The following ZMIZ2 variants were observed in gnomAD, a reference collection of about 807,000 sequenced individuals.
ZMIZ2 encodes the protein zinc finger MIZ domain-containing protein 2.
A neutral mutation model predicts 93.9 loss-of-function variants in ZMIZ2; 26 were observed. That is an observed-to-expected ratio of 0.28 (90% CI 0.20 to 0.38). The LOEUF (loss-of-function observed/expected upper bound fraction) is 0.38. Among genes scored for constraint, ZMIZ2 ranks in the 10% least tolerant of loss-of-function variants. The pLI, the probability that ZMIZ2 is intolerant of heterozygous loss-of-function variation, is 1.00. For synonymous variants in ZMIZ2, 485 were observed against 516.4 expected, an observed-to-expected ratio of 0.94 and a Z score of 0.82; for missense variants, 1,023 against 1,235.0, an observed-to-expected ratio of 0.83 and a Z score of 2.57.
chr7:44,765,242 C>G lies in ZMIZ2; in HGVS notation c.1998-93C>G. On this transcript the variant is annotated intron_variant, in intron 15 of 18. Coordinates refer to ENST00000309315, the MANE Select transcript of ZMIZ2 (RefSeq NM_031449.4). The surrounding 1 kb of genome is among the most constrained non-coding windows in gnomAD (Gnocchi z 4.1). ...GGAAGCAAGCATTTGAGTGGGGGAA[C>G]CTGCCTGGAAACAGCCCAGGGCTGG... The G allele has an allele frequency of 1.9e-6, 3 of 1,569,972 alleles. No homozygotes were observed. The South Asian group carries it at 3.5e-5, about 19-fold the overall frequency.
rs1791756718 is a variant in ZMIZ2 at position 44,766,806 on chromosome 7, A to G, written c.2655+143A>G. ...GGTCAACTAAATGCAGCTTTTGTTC[A>G]TGAATTAGATACCTGGAGTAGCTGC... On this transcript the variant is annotated intron_variant, in intron 18 of 18. Transcript: ENST00000309315. The surrounding 1 kb of genome is among the most constrained non-coding windows in gnomAD (Gnocchi z 4.4). 1 of 1,346,416 alleles carries G rather than the reference A, an allele frequency of 7.4e-7. No individual in the cohort carries two copies. Among genetic ancestry groups the G allele is most frequent in the Admixed American group, 2.6e-5 (1 of 37,882 alleles). The allele number at this position is 1,346,416 out of a possible 1,614,324, so 83.4% of individuals were successfully genotyped here. A position where few individuals can be genotyped will look rare whatever the true frequency, so the allele number is the denominator to read the frequency against.
At position 44,767,775 on chromosome 7, in the gene ZMIZ2, C is replaced by T. The variant is rs1791866694; in HGVS notation, c.*152C>T. On this transcript the variant is annotated 3_prime_UTR_variant, in exon 19 of 19. Transcript: ENST00000309315. ...CAGAGCCTTCTGCCGCCAGCCCTGC[C>T]CCTGAATTGGAAGCAGCCCTGTGCT... 1.7e-5 allele frequency: 12 copies of T among 702,030 alleles called. No individual in the cohort carries two copies. Among genetic ancestry groups the T allele is most frequent in the Non-Finnish European group, 2.7e-5 (11 of 410,622 alleles). 43.5% of individuals were successfully genotyped at this position (702,030 alleles called of 1,614,324 possible). A position where few individuals can be genotyped will look rare whatever the true frequency, so the allele number is the denominator to read the frequency against.
chr7:44,765,363 C>T lies in ZMIZ2; in HGVS notation c.2026C>T (p.Pro676Ser). The change falls in exon 16 of 19, where the codon CCC becomes TCC. Residue 676 changes from proline (P) to serine (S), a missense_variant. Pro to Ser is a moderately conservative substitution (Grantham distance 74, BLOSUM62 -1). Around this residue, in one of 3 missense-constraint regions of ZMIZ2, gnomAD observed 319 missense variants for 358.8 expected, o/e 0.89. Coordinates refer to ENST00000309315, the MANE Select transcript of ZMIZ2 (RefSeq NM_031449.4). This position sits in a 1 kb window ranked among gnomAD's most constrained non-coding sequence, Gnocchi z 4.1. ...NSDYEEITID[P>S]TCSWKPVPVK... ...TGACTATGAGGAGATCACCATCGAC[C>T]CCACGTGCAGCTGGAAGCCAGTGCC... 3 of 1,613,604 alleles carry T rather than the reference C, an allele frequency of 1.9e-6. No individual in the cohort carries two copies. The highest frequency in any genetic ancestry group is 2.5e-6 in the Non-Finnish European group (3 of 1,180,018).
At chr7:44,762,161 T>C (rs1035536527) in intron 11 of ZMIZ2, among the ~76,000 whole-genome samples, 3 of 152,388 alleles carry the variant, frequency 2.0e-5, no homozygotes, top group Non-Finnish European at 2.9e-5. Flanking sequence ...GGGGGCTTTA[T>C]TATTTCAGAA....
In ZMIZ2 at chr7:44,760,295, C is replaced by T. The variant is rs766541485; in HGVS notation, c.1071+67C>T. On this transcript the variant is annotated intron_variant, in intron 8 of 18. Coordinates refer to ENST00000309315, the MANE Select transcript of ZMIZ2 (RefSeq NM_031449.4). ...GGTGGGCATATGGAGAGAGGGCGAC[C>T]GGGCAGGCACCCCTGGGGCCGCCTC... The T allele has an allele frequency of 6.4e-5, 101 of 1,566,822 alleles. 1 individual carries two copies. The Middle Eastern group carries it at 1.2e-3, about 18-fold the overall frequency.
rs749274975 is a variant in ZMIZ2 at position 44,765,031 on chromosome 7, T to C, written c.1997+22T>C. 4.3e-6 allele frequency: 7 copies of C among 1,613,798 alleles called. No individual in the cohort carries two copies. The Admixed American group carries it at 1.2e-4, about 27-fold the overall frequency. ...AGAAGTAAGCATCCTCTTCCTGTGA[T>C]CCCTGCATCTGTGGCCACTGGAGGG... On this transcript the variant is annotated intron_variant, in intron 15 of 18. Coordinates refer to ENST00000309315, the MANE Select transcript of ZMIZ2 (RefSeq NM_031449.4). The surrounding 1 kb of genome is among the most constrained non-coding windows in gnomAD (Gnocchi z 4.1).
At chr7:44,764,790 G>C (rs1407093834) in intron 14 of ZMIZ2, 151 bp from the exon 15 acceptor site, 1 of 770,448 alleles carries the variant, frequency 1.3e-6, no homozygotes, top group Non-Finnish European at 2.1e-6. Flanking sequence ...CCTCACATAG[G>C]GTCAGCTCAC....
In ZMIZ2 at chr7:44,757,900, G is replaced by C; in HGVS notation, c.605G>C (p.Arg202Pro). The change falls in exon 6 of 19, where the codon CGG becomes CCG. Residue 202 changes from arginine (R) to proline (P), a missense_variant. Physicochemically the swap from Arg to Pro is moderately radical, Grantham distance 103 (BLOSUM62 -2). Coordinates refer to ENST00000309315, the MANE Select transcript of ZMIZ2 (RefSeq NM_031449.4). ...CAGTTTCTGCAGCATGGAGGTCCCCGGGGGCCTAGTGTCCCCGCTGGCATG... is the reference window on the plus strand; with the variant it reads ...CAGTTTCTGCAGCATGGAGGTCCCCCGGGGCCTAGTGTCCCCGCTGGCATG... ...NSQFLQHGGPRGPSVPAGMNP... is the reference protein window; with the variant it reads ...NSQFLQHGGPPGPSVPAGMNP... 1 of 1,605,210 alleles carries C rather than the reference G, an allele frequency of 6.2e-7. No individual in the cohort carries two copies. Among genetic ancestry groups the C allele is most frequent in the Non-Finnish European group, 8.5e-7 (1 of 1,175,506 alleles).
intron 1 of ZMIZ2, among the ~76,000 whole-genome samples, chr7:44,755,358 G>A (rs1790502330): frequency 6.6e-6 from 1 of 152,158 alleles, no homozygotes; most frequent in African/African-American, 2.4e-5. Flanking sequence ...GCCCTCTCCT[G>A]GGGGTGTCAT....
chr7:44,767,423 C>A, intron 18 of ZMIZ2, 93 bp from the exon 19 acceptor site: 1 of 1,133,830 alleles, frequency 8.8e-7, no homozygotes, highest in Non-Finnish European at 1.3e-6. Context: ...CCCACTGTGC[C>A]TGGAGACAGG....
chr7:44,750,571 G>A (rs1790050786), intron 1 of ZMIZ2, among the ~76,000 whole-genome samples: 1 of 152,172 alleles, frequency 6.6e-6, no homozygotes, highest in South Asian at 2.1e-4. Flanking sequence ...CCACTTGCTG[G>A]TCCTGCTCCT....
At position 44,765,783 on chromosome 7, in the gene ZMIZ2, G is replaced by T. The variant is rs1791651375; in HGVS notation, c.2242+204G>T. The T allele has an allele frequency of 9.7e-7, 1 of 1,029,090 alleles. No individual in the cohort carries two copies. The highest frequency in any genetic ancestry group is 2.9e-5 in the Admixed American group (1 of 34,176). The allele number at this position is 1,029,090 out of a possible 1,614,324, so 63.7% of individuals were successfully genotyped here. On this transcript the variant is annotated intron_variant, in intron 16 of 18. Transcript: ENST00000309315. This position sits in a 1 kb window ranked among gnomAD's most constrained non-coding sequence, Gnocchi z 4.1. ...CGGTGAAGGCACAGTCTCAGCTATG[G>T]TCCCAGGAAACAGACAGTGGGGCCT...
rs1255498637 is a variant in ZMIZ2 at position 44,765,355 on chromosome 7, C to T, written c.2018C>T (p.Thr673Ile). The change falls in exon 16 of 19, where the codon ACC (threonine) becomes ATC (isoleucine). Residue 673 changes from threonine (T) to isoleucine (I), a missense_variant. This residue lies in a region of ZMIZ2 where 319 missense variants were observed against 358.8 expected (regional missense o/e 0.89). Transcript: ENST00000309315. This position sits in a 1 kb window ranked among gnomAD's most constrained non-coding sequence, Gnocchi z 4.1. ...YIQNSDYEEI[T>I]IDPTCSWKPV... is the part of the protein sequence containing the mutation. ...CCCAGCTCTGACTATGAGGAGATCACCATCGACCCCACGTGCAGCTGGAAG... is the reference window on the plus strand; with the variant it reads ...CCCAGCTCTGACTATGAGGAGATCATCATCGACCCCACGTGCAGCTGGAAG... 1.2e-6 allele frequency: 2 copies of T among 1,613,410 alleles called. No individual in the cohort carries two copies. The highest frequency in any genetic ancestry group is 1.7e-6 in the Non-Finnish European group (2 of 1,180,026).
rs745533658 is a variant in ZMIZ2 at position 44,760,506 on chromosome 7, C to T, written c.1153C>T (p.Pro385Ser). The T allele has an allele frequency of 5.6e-6, 9 of 1,614,166 alleles. No individual in the cohort carries two copies. In the South Asian group the frequency reaches 9.9e-5, roughly 18 times the overall value. Reference sequence around the variant, plus strand: ...ACCCATGACCCCAAGCAGCAGCGTCCCTTACATGTCACCAAACCAAGAGGT... The same window carrying T: ...ACCCATGACCCCAAGCAGCAGCGTCTCTTACATGTCACCAAACCAAGAGGT... ...TPPMTPSSSV[P>S]YMSPNQEVKS... Residue 385 changes from proline to serine, a missense_variant, in exon 9 of 19, where the codon CCT becomes TCT. Pro to Ser is a moderately conservative substitution (Grantham distance 74). Around this residue, in one of 3 missense-constraint regions of ZMIZ2, gnomAD observed 656 missense variants for 777.1 expected, o/e 0.84. Transcript: ENST00000309315.
Position 44,763,060 on chromosome 7 carries a change from TG to T in ZMIZ2, c.1702+75del, listed in dbSNP as rs1038055125. 1 of 1,488,216 alleles carries T rather than the reference TG, an allele frequency of 6.7e-7. No individual in the cohort carries two copies. Among genetic ancestry groups the T allele is most frequent in the African/African-American group, 1.4e-5 (1 of 72,270 alleles). 92.2% of individuals were successfully genotyped at this position (1,488,216 alleles called of 1,614,324 possible). A position where few individuals can be genotyped will look rare whatever the true frequency, so the allele number is the denominator to read the frequency against. On this transcript the variant is annotated intron_variant, in intron 12 of 18. Coordinates refer to ENST00000309315, the MANE Select transcript of ZMIZ2 (RefSeq NM_031449.4). The surrounding 1 kb of genome is among the most constrained non-coding windows in gnomAD (Gnocchi z 5.6). The stretch of plus-strand genomic sequence containing the variant: ...GTGGCCCAAGCCCAACAATCCTCCT[TG>T]TGGGCACCTCCTCGTGTCACACCAG...
At chr7:44,759,023 A>C (rs987927176) in intron 6 of ZMIZ2, among the ~76,000 whole-genome samples, 61 of 147,802 alleles carry the variant, frequency 4.1e-4, no homozygotes, top group African/African-American at 1.4e-3. Flanking sequence ...TGGAGGCTGC[A>C]GTGAGCCAAG....
At chr7:44,762,795 A>G in intron 11 of ZMIZ2, 86 bp from the exon 12 acceptor site, 1 of 821,710 alleles carries the variant, frequency 1.2e-6, no homozygotes, top group Non-Finnish European at 1.7e-6. Context: ...GCAGCCCCTG[A>G]CACACAACCC....
At chr7:44,762,769 G>A (rs1791331383) in intron 11 of ZMIZ2, 112 bp from the exon 12 acceptor site, 2 of 613,358 alleles carry the variant, frequency 3.3e-6, no homozygotes, top group African/African-American at 4.0e-5. Flanking sequence ...CCTCAGCCTT[G>A]TCCCTCCCCC....
rs1792002588 is a variant in ZMIZ2, at chr7:44,769,568, T to C, written c.*1945T>C. 6.5e-6 allele frequency: 1 copy of C among 152,760 alleles called. No individual in the cohort carries two copies. 9.5% of individuals were successfully genotyped at this position (152,760 alleles called of 1,614,324 possible). On this transcript the variant is annotated 3_prime_UTR_variant, in exon 19 of 19. Transcript: ENST00000309315. ...AGCCTGGCAAAGTCCCACTCAGCCA[T>C]GGCCTGATGCAGGCCCCAGGCCCTC... is the stretch of plus-strand genomic sequence containing the variant.
Sources: allele counts gnomAD v4.1 joint callset (sites outside exome capture counted in the v4.1 genomes callset), GRCh38; gene constraint gnomAD v4.1.1; regional missense constraint gnomAD v4.1.1; non-coding constraint Gnocchi (gnomAD v3.1); transcripts MANE v1.5; gene names NCBI Gene and HGNC (gene_info 2026-07-23, HGNC 2026-07-21).